The following CLCN3 variants were observed in gnomAD, a reference collection of about 807,000 sequenced individuals.
CLCN3 encodes the protein Cl-/H+ antiporter 3, also known as H(+)/Cl(-) exchange transporter 3.
Under a neutral mutation model 83.4 loss-of-function variants are expected in CLCN3, and 16 were observed. That is an observed-to-expected ratio of 0.19 (90% CI 0.13 to 0.29). The LOEUF (loss-of-function observed/expected upper bound fraction) is 0.29. Among genes scored for constraint, CLCN3 ranks in the 10% least tolerant of loss-of-function variants. CLCN3 has a pLI of 1.00. For missense variants in CLCN3, 544 were observed against 1,006.0 expected (o/e 0.54, Z 6.21); for synonymous variants, 322 against 346.2 (o/e 0.93, Z 0.78).
intron 2 of CLCN3, chr4:169,662,752 G>A (rs1731100351): frequency 6.6e-6 from 1 of 152,118 alleles, no homozygotes; most frequent in South Asian, 2.1e-4. Flanking sequence ...AGTAAATAAT[G>A]TCAAGTCTGG....
At position 169,679,096 on chromosome 4, in the gene CLCN3, G is replaced by T. The variant is rs548716272; in HGVS notation, c.161-954G>T. Among the ~76,000 whole-genome samples, 3 of 151,442 alleles carry T rather than the reference G, an allele frequency of 2.0e-5. No individual in the cohort carries two copies. In the South Asian group the frequency reaches 6.3e-4, roughly 32 times the overall value. On this transcript the variant is annotated intron_variant, in intron 2 of 12. Coordinates refer to ENST00000513761, the MANE Select transcript of CLCN3 (RefSeq NM_001829.4). ...GGAGACGCTCCTCACTTCCCAGATG[G>T]GGCGGCTGCCGGGCGGAGGGGCTCC...
intron 1 of CLCN3, among the ~76,000 whole-genome samples, chr4:169,624,304 T>A (rs1773176620): frequency 6.6e-6 from 1 of 152,198 alleles, no homozygotes; most frequent in African/African-American, 2.4e-5. Flanking sequence ...TGGCTAATTT[T>A]TGTCTTTTTA....
intron 1 of CLCN3, among the ~76,000 whole-genome samples, chr4:169,627,100 C>T (rs1773253413): frequency 6.6e-6 from 1 of 152,074 alleles, no homozygotes; most frequent in Admixed American, 6.6e-5. Context: ...CATGGTTTCC[C>T]CTGTGTATAG....
In CLCN3 at chr4:169,713,071, C is replaced by A; in HGVS notation, c.2150-8C>A. The A allele has an allele frequency of 6.2e-7, 1 of 1,611,698 alleles. No individual in the cohort carries two copies. The highest frequency in any genetic ancestry group is 2.2e-5 in the East Asian group (1 of 44,874). The stretch of plus-strand genomic sequence containing the variant: ...TTAAAAGTGTTGGTCTCTTCTCTCT[C>A]TTTTCAGAAAGTGCCAGGAAAAAAC... On this transcript the variant is annotated splice_region_variant and splice_polypyrimidine_tract_variant and intron_variant, in intron 11 of 12. Transcript: ENST00000513761.
At chr4:169,695,169 G>A (rs1193700546) in intron 7 of CLCN3, among the ~76,000 whole-genome samples, 3 of 152,158 alleles carry the variant, frequency 2.0e-5, no homozygotes, top group East Asian at 1.9e-4. Context: ...CAAGGTCTTC[G>A]GTTCCCTGCA....
At chr4:169,684,020 G>A (rs1370838110) in intron 3 of CLCN3, among the ~76,000 whole-genome samples, 1 of 152,200 alleles carries the variant, frequency 6.6e-6, no homozygotes, top group Non-Finnish European at 1.5e-5. Flanking sequence ...TGGGATTACA[G>A]GTGGGAGCCA....
chr4:169,628,856 G>A (rs143195866), intron 1 of CLCN3, among the ~76,000 whole-genome samples: 3 of 152,280 alleles, frequency 2.0e-5, no homozygotes, highest in South Asian at 4.1e-4. Flanking sequence ...CATGTTTGTA[G>A]CAGCTTTATT....
At chr4:169,689,682 A>G (rs888956425) in intron 5 of CLCN3, among the ~76,000 whole-genome samples, 4 of 152,248 alleles carry the variant, frequency 2.6e-5, no homozygotes, top group Admixed American at 6.5e-5. Flanking sequence ...TTGATTTACT[A>G]TGATCTACAA....
At chr4:169,688,981 A>C (rs1732263145) in intron 4 of CLCN3, 62 bp from the exon 5 acceptor site, 1 of 1,458,190 alleles carries the variant, frequency 6.9e-7, no homozygotes, top group South Asian at 1.2e-5. Context: ...TTTTAACTAG[A>C]TTGTTCTCGA....
In CLCN3 at chr4:169,697,677, G is replaced by A; in HGVS notation, c.1506G>A (p.Gln502=). The change falls in exon 9 of 13, where the codon CAG becomes CAA. Residue 502 remains glutamine, a synonymous_variant. Transcript: ENST00000513761. ...TTGGAGTATATTCAGCTATATGGCA[G>A]TTATGCCTGGCACTCATATTTAAAA... is the stretch of plus-strand genomic sequence containing the variant. ...AGIGVYSAIW[Q]LCLALIFKII... is the part of the protein sequence containing the mutation. 1 of 1,613,550 alleles carries A rather than the reference G, an allele frequency of 6.2e-7. No homozygotes were observed. Among genetic ancestry groups the A allele is most frequent in the Non-Finnish European group, 8.5e-7 (1 of 1,179,730 alleles).
chr4:169,667,517 C>T (rs1209755725), intron 2 of CLCN3, among the ~76,000 whole-genome samples: 3 of 152,024 alleles, frequency 2.0e-5, no homozygotes, highest in African/African-American at 7.2e-5. Flanking sequence ...GTTATTTTTA[C>T]AAGAAAGTTG....
chr4:169,689,419 C>T (rs1420587599), intron 5 of CLCN3, among the ~76,000 whole-genome samples, 189 bp downstream of exon 5: 1 of 152,124 alleles, frequency 6.6e-6, no homozygotes, highest in Admixed American at 6.6e-5. Flanking sequence ...TAGTTAACTG[C>T]ATAGTCATAT....
intron 9 of CLCN3, among the ~76,000 whole-genome samples, chr4:169,702,077 G>T (rs1319020590): frequency 1.3e-5 from 2 of 152,120 alleles, no homozygotes; most frequent in Non-Finnish European, 2.9e-5. Flanking sequence ...GGATCTTATC[G>T]GAAAGCTGCC....
intron 2 of CLCN3, among the ~76,000 whole-genome samples, chr4:169,656,248 C>T (rs955839973): frequency 6.6e-6 from 1 of 152,176 alleles, no homozygotes; most frequent in South Asian, 2.1e-4. Context: ...GTAATTGGCT[C>T]ACAGTTCTGC....
At chr4:169,627,758 T>G (rs1180713976) in intron 1 of CLCN3, among the ~76,000 whole-genome samples, 1 of 152,242 alleles carries the variant, frequency 6.6e-6, no homozygotes, top group Non-Finnish European at 1.5e-5. Context: ...TTATTTCTTA[T>G]ACATTTGTTA....
At chr4:169,696,146 A>G (rs1035334324) in intron 8 of CLCN3, among the ~76,000 whole-genome samples, 2 of 151,918 alleles carry the variant, frequency 1.3e-5, no homozygotes, top group Admixed American at 1.3e-4. Context: ...CTGGAGTGCA[A>G]TGGCGCGATC....
At chr4:169,648,273 G>T (rs979902097) in intron 2 of CLCN3, among the ~76,000 whole-genome samples, 1 of 152,174 alleles carries the variant, frequency 6.6e-6, no homozygotes, top group African/African-American at 2.4e-5. Context: ...GAAATGTAAC[G>T]TGTTAACAAT....
At chr4:169,675,842 A>G (rs548173081) in intron 2 of CLCN3, among the ~76,000 whole-genome samples, 1 of 152,196 alleles carries the variant, frequency 6.6e-6, no homozygotes, top group Non-Finnish European at 1.5e-5. Context: ...GTCCAGGACT[A>G]GAATCTGGGC....
chr4:169,719,421 G>A (rs988202864), intron 12 of CLCN3, among the ~76,000 whole-genome samples: 26 of 152,256 alleles, frequency 1.7e-4, no homozygotes, highest in African/African-American at 5.5e-4. Flanking sequence ...CTGAGATCGC[G>A]CCACTGCACT....
Sources: allele counts gnomAD v4.1 joint callset (sites outside exome capture counted in the v4.1 genomes callset), GRCh38; gene constraint gnomAD v4.1.1; transcripts MANE v1.5; gene names NCBI Gene and HGNC (gene_info 2026-07-23, HGNC 2026-07-21).